CNKSR3: variants seen among roughly 807,000 people sequenced by gnomAD.
CNKSR3 encodes CNKSR family member 3.
In CNKSR3, 36 loss-of-function variants were observed where a neutral mutation model predicts 67.7. The observed-to-expected ratio is 0.53, with a 90% CI of 0.41 to 0.70. The LOEUF (loss-of-function observed/expected upper bound fraction) is 0.70. CNKSR3 is among the 30% of genes least tolerant of loss of function. The pLI is 0.00. For synonymous variants in CNKSR3, 281 were observed against 271.4 expected (o/e 1.04, Z -0.35); for missense variants, 630 against 695.2 (o/e 0.91, Z 1.05).
intron 1 of CNKSR3, among the ~76,000 whole-genome samples, chr6:154,462,857 C>T (rs1453729413): frequency 1.3e-5 from 2 of 152,316 alleles, no homozygotes; most frequent in East Asian, 1.9e-4. Flanking sequence ...CCCTGCCTCC[C>T]GCCACAGAGG....
chr6:154,413,780 C>T (rs1295072623), intron 10 of CNKSR3, among the ~76,000 whole-genome samples: 1 of 152,074 alleles, frequency 6.6e-6, no homozygotes, highest in Non-Finnish European at 1.5e-5. Flanking sequence ...CAGGGTCTCG[C>T]TCTGTCACCC....
Position 154,396,101 on chromosome 6 carries a change from TG to T in CNKSR3, c.*10252del, listed in dbSNP as rs1784658674. 6.6e-6 allele frequency: 1 copy of T among 152,250 alleles called. No homozygotes were observed. The highest frequency in any genetic ancestry group is 1.5e-5 in the Non-Finnish European group (1 of 68,062). 9.4% of individuals were successfully genotyped at this position (152,250 alleles called of 1,614,324 possible). ...CTCCTTCAATCAAATGTTATACAAC[TG>T]CAACTGTCCTCCACGTCGCCTCCAT... On this transcript the variant is annotated 3_prime_UTR_variant, in exon 13 of 13. Coordinates refer to ENST00000607772, the MANE Select transcript of CNKSR3 (RefSeq NM_173515.4).
intron 10 of CNKSR3, among the ~76,000 whole-genome samples, chr6:154,413,139 TACACACACACACACACACACACAC>T (rs60788837): frequency 1.4e-5 from 2 of 144,992 alleles, no homozygotes; most frequent in Admixed American, 1.4e-4. Flanking sequence ...GAATTTATGG[TACACACACACACACACACACACAC>T]ACACACACAC....
chr6:154,449,527 G>A (rs12215931), intron 2 of CNKSR3, among the ~76,000 whole-genome samples: 18,727 of 152,160 alleles, frequency 0.12, 1,240 homozygotes, highest in Non-Finnish European at 0.14. Context: ...GTTTTGCTAC[G>A]TTGCCCAGGC....
chr6:154,502,843 GA>G (rs1787025771), intron 1 of CNKSR3, among the ~76,000 whole-genome samples: 1 of 152,304 alleles, frequency 6.6e-6, no homozygotes, highest in South Asian at 2.1e-4. Flanking sequence ...AGGAAAGAGA[GA>G]AAGCAAGGCA....
intron 7 of CNKSR3, among the ~76,000 whole-genome samples, chr6:154,426,769 G>A (rs935005051): frequency 6.6e-6 from 1 of 152,204 alleles, no homozygotes. Context: ...AGACCCAATA[G>A]AGTTGGAAAA....
chr6:154,410,033 C>A (rs1784876041), intron 12 of CNKSR3, among the ~76,000 whole-genome samples: 2 of 152,148 alleles, frequency 1.3e-5, no homozygotes, highest in African/African-American at 4.8e-5. Flanking sequence ...TGTAACAGAG[C>A]AAGATCCTGT....
intron 2 of CNKSR3, among the ~76,000 whole-genome samples, chr6:154,447,055 C>T (rs1437632543): frequency 2.0e-5 from 3 of 152,106 alleles, no homozygotes; most frequent in African/African-American, 4.8e-5. Context: ...CCGCCTGCCT[C>T]GGCCTCCCAA....
At chr6:154,499,760 A>G (rs1010025679) in intron 1 of CNKSR3, among the ~76,000 whole-genome samples, 1 of 152,104 alleles carries the variant, frequency 6.6e-6, no homozygotes, top group Non-Finnish European at 1.5e-5. Flanking sequence ...GTGAGCCACT[A>G]TGCCCGGCCT....
chr6:154,476,415 C>A (rs1158683351), intron 1 of CNKSR3, among the ~76,000 whole-genome samples: 1 of 150,232 alleles, frequency 6.7e-6, no homozygotes, highest in Non-Finnish European at 1.5e-5. Context: ...CGAGATCGTG[C>A]CATTGCACTC....
At chr6:154,465,506 C>T (rs1786178454) in intron 1 of CNKSR3, among the ~76,000 whole-genome samples, 1 of 152,022 alleles carries the variant, frequency 6.6e-6, no homozygotes, top group Non-Finnish European at 1.5e-5. Flanking sequence ...CCACCTGGAG[C>T]TGAGGAACTG....
chr6:154,438,347 G>A (rs1044679629), intron 4 of CNKSR3, among the ~76,000 whole-genome samples: 1 of 151,732 alleles, frequency 6.6e-6, no homozygotes, highest in Non-Finnish European at 1.5e-5. Context: ...TCGTATACAA[G>A]TTTGTATAGG....
intron 1 of CNKSR3, among the ~76,000 whole-genome samples, chr6:154,483,257 G>A (rs1261357156): frequency 6.6e-6 from 1 of 152,144 alleles, no homozygotes; most frequent in Non-Finnish European, 1.5e-5. Flanking sequence ...CATCACGCCA[G>A]CCATCATATG....
chr6:154,412,927 G>A (rs1784938958), intron 10 of CNKSR3, among the ~76,000 whole-genome samples: 1 of 152,084 alleles, frequency 6.6e-6, no homozygotes, highest in South Asian at 2.1e-4. Context: ...TTTTGTGTCA[G>A]AGGGTAACCC....
At chr6:154,415,629 G>A (rs1300622787) in intron 9 of CNKSR3, among the ~76,000 whole-genome samples, 2 of 152,160 alleles carry the variant, frequency 1.3e-5, no homozygotes, top group Admixed American at 6.5e-5. Flanking sequence ...AACATAGGGT[G>A]GCTGTGAGAA....
In CNKSR3 at chr6:154,467,349, CTTATAT is replaced by C. The variant is rs374095093; in HGVS notation, c.53-17097_53-17092del. ...AAAGAATTTATTCCATCTAAACCAA[CTTATAT>C]TTATTTAGCCAGGACATACATCAAC... On this transcript the variant is annotated intron_variant, in intron 1 of 12. Coordinates refer to ENST00000607772, the MANE Select transcript of CNKSR3 (RefSeq NM_173515.4). 2.2e-3 allele frequency among the ~76,000 whole-genome samples: 337 copies of C among 152,264 alleles called. 3 individuals are homozygous for C. The highest frequency in any genetic ancestry group is 7.6e-3 in the African/African-American group (314 of 41,564).
chr6:154,431,828 G>A (rs1212442270), intron 5 of CNKSR3, among the ~76,000 whole-genome samples: 1 of 151,970 alleles, frequency 6.6e-6, no homozygotes, highest in Non-Finnish European at 1.5e-5. Context: ...ATCTTTTCAT[G>A]ACTTGATAGC....
At chr6:154,421,943 T>C (rs1311143465) in intron 9 of CNKSR3, among the ~76,000 whole-genome samples, 1 of 152,106 alleles carries the variant, frequency 6.6e-6, no homozygotes, top group South Asian at 2.1e-4. Context: ...ACCTGAAATG[T>C]AGCCAGTGAT....
chr6:154,470,188 C>CTTTTTTTTTTT (rs869154714), intron 1 of CNKSR3, among the ~76,000 whole-genome samples: 8 of 68,724 alleles, frequency 1.2e-4, no homozygotes, highest in Admixed American at 2.1e-4. Flanking sequence ...ACTTTCTTTC[C>CTTTTTTTTTTT]TTTTTTTTTT....
Sources: allele counts gnomAD v4.1 joint callset (sites outside exome capture counted in the v4.1 genomes callset), GRCh38; gene constraint gnomAD v4.1.1; transcripts MANE v1.5; gene names NCBI Gene and HGNC (gene_info 2026-07-23, HGNC 2026-07-21).